The following ME1 variants were observed in gnomAD, a reference collection of about 807,000 sequenced individuals.
The protein encoded by ME1 is malic enzyme 1, also known as NADP-dependent malic enzyme.
In ME1, 74 loss-of-function variants were observed where a neutral mutation model predicts 66.4. That is an observed-to-expected ratio of 1.11 (90% CI 0.92 to 1.35). The LOEUF (loss-of-function observed/expected upper bound fraction) is 1.35. ME1 is among the 40% of genes most tolerant of loss of function. ME1 has a pLI of 0.00. For synonymous variants in ME1, 251 were observed against 235.6 expected, an observed-to-expected ratio of 1.07 and a Z score of -0.60; for missense variants, 750 against 694.1, an observed-to-expected ratio of 1.08 and a Z score of -0.90.
chr6:83,416,811 T>C (rs1770167571), intron 1 of ME1, among the ~76,000 whole-genome samples: 1 of 151,304 alleles, frequency 6.6e-6, no homozygotes, highest in African/African-American at 2.4e-5. Context: ...TGGTAGGATG[T>C]CTTTGGCCCG....
At chr6:83,278,125 A>G (rs1038191470) in intron 6 of ME1, among the ~76,000 whole-genome samples, 2 of 152,130 alleles carry the variant, frequency 1.3e-5, no homozygotes, top group Admixed American at 6.5e-5. Flanking sequence ...ATGATGCATT[A>G]GGTTGCCCCC....
At chr6:83,342,079 T>G (rs1012045632) in intron 5 of ME1, among the ~76,000 whole-genome samples, 2 of 152,122 alleles carry the variant, frequency 1.3e-5, no homozygotes, top group Non-Finnish European at 2.9e-5. Flanking sequence ...CCTTTGTAAC[T>G]TCACTTCAGC....
chr6:83,362,316 C>T (rs546378519), intron 3 of ME1, among the ~76,000 whole-genome samples: 18 of 152,286 alleles, frequency 1.2e-4, no homozygotes, highest in Middle Eastern at 3.4e-3. Flanking sequence ...TCGACCTCTC[C>T]GGTCAAAAAC....
intron 3 of ME1, among the ~76,000 whole-genome samples, chr6:83,357,038 A>G (rs983179901): frequency 1.3e-5 from 2 of 152,168 alleles, no homozygotes; most frequent in Admixed American, 6.5e-5. Context: ...CAAGACATTG[A>G]TACTTATGAA....
At chr6:83,378,528 G>A (rs1769337294) in intron 3 of ME1, among the ~76,000 whole-genome samples, 1 of 151,996 alleles carries the variant, frequency 6.6e-6, no homozygotes, top group African/African-American at 2.4e-5. Context: ...CTGTAAATCA[G>A]GTTGAATGAG....
chr6:83,411,810 T>C (rs1770053335), intron 1 of ME1, among the ~76,000 whole-genome samples: 1 of 152,182 alleles, frequency 6.6e-6, no homozygotes, highest in Non-Finnish European at 1.5e-5. Context: ...GACATCCTCA[T>C]ATATGCTAAG....
intron 1 of ME1, among the ~76,000 whole-genome samples, chr6:83,414,410 T>C (rs983448170): frequency 3.9e-5 from 6 of 152,114 alleles, no homozygotes; most frequent in East Asian, 1.9e-4. Flanking sequence ...TACTCATATC[T>C]GATATAAAGT....
At chr6:83,266,434 A>G (rs1766990526) in intron 6 of ME1, among the ~76,000 whole-genome samples, 2 of 152,184 alleles carry the variant, frequency 1.3e-5, no homozygotes, top group African/African-American at 4.8e-5. Context: ...AATACTAACC[A>G]TCTTCCATAA....
intron 5 of ME1, among the ~76,000 whole-genome samples, chr6:83,316,944 T>C (rs141059421): frequency 2.9e-4 from 44 of 151,502 alleles, no homozygotes; most frequent in South Asian, 1.9e-3. Flanking sequence ...GGGAATAACC[T>C]GCAAAAAATA....
At chr6:83,332,194 A>G (rs1384733318) in intron 5 of ME1, among the ~76,000 whole-genome samples, 1 of 152,200 alleles carries the variant, frequency 6.6e-6, no homozygotes, top group Non-Finnish European at 1.5e-5. Flanking sequence ...AACTTAAAGA[A>G]TAAGAGTATT....
At chr6:83,304,613 T>C (rs1453306070) in intron 6 of ME1, among the ~76,000 whole-genome samples, 1 of 152,216 alleles carries the variant, frequency 6.6e-6, no homozygotes, top group East Asian at 1.9e-4. Flanking sequence ...TGGGTCACCA[T>C]CTGTGGATAC....
At chr6:83,272,978 C>G (rs1767112197) in intron 6 of ME1, among the ~76,000 whole-genome samples, 2 of 151,868 alleles carry the variant, frequency 1.3e-5, no homozygotes, top group African/African-American at 4.8e-5. Flanking sequence ...AGTTCAAGAC[C>G]AGCCTGGCCA....
At chr6:83,366,391 C>T (rs891340738) in intron 3 of ME1, among the ~76,000 whole-genome samples, 1 of 152,044 alleles carries the variant, frequency 6.6e-6, no homozygotes, top group African/African-American at 2.4e-5. Flanking sequence ...TACTATGATG[C>T]TTATCATATT....
At chr6:83,307,121 T>C (rs996199896) in intron 6 of ME1, among the ~76,000 whole-genome samples, 1 of 152,080 alleles carries the variant, frequency 6.6e-6, no homozygotes, top group African/African-American at 2.4e-5. Flanking sequence ...ACATCCACTT[T>C]AAATCCATTA....
intron 4 of ME1, among the ~76,000 whole-genome samples, chr6:83,349,264 A>G (rs1184648902): frequency 6.6e-6 from 1 of 152,142 alleles, no homozygotes; most frequent in Non-Finnish European, 1.5e-5. Context: ...TCTCTCAAAG[A>G]AAAAAAGTTT....
intron 6 of ME1, among the ~76,000 whole-genome samples, chr6:83,255,027 A>T: frequency 6.6e-6 from 1 of 152,186 alleles, no homozygotes; most frequent in East Asian, 1.9e-4. Context: ...TTCTTCTGAT[A>T]CAATAAAAAA....
At chr6:83,274,479 G>T (rs1767139901) in intron 6 of ME1, among the ~76,000 whole-genome samples, 1 of 152,122 alleles carries the variant, frequency 6.6e-6, no homozygotes, top group Non-Finnish European at 1.5e-5. Context: ...TAATTTAGCA[G>T]AAATTTACTA....
At chr6:83,401,854 C>T (rs1249084763) in intron 2 of ME1, among the ~76,000 whole-genome samples, 1 of 152,202 alleles carries the variant, frequency 6.6e-6, no homozygotes, top group East Asian at 1.9e-4. Context: ...AGCCAGCTAG[C>T]TACCTGGTGG....
At chr6:83,312,032 C>T (rs1170346) in intron 6 of ME1, among the ~76,000 whole-genome samples, 42,387 of 151,982 alleles carry the variant, frequency 0.28, 6,718 homozygotes, top group Middle Eastern at 0.48. Context: ...ATTTTTAGAC[C>T]CAGAACCCAT....
Sources: allele counts gnomAD v4.1 joint callset (sites outside exome capture counted in the v4.1 genomes callset), GRCh38; gene constraint gnomAD v4.1.1; transcripts MANE v1.5; gene names NCBI Gene and HGNC (gene_info 2026-07-23, HGNC 2026-07-21).